The following EEF2KMT variants were observed in gnomAD, a reference collection of about 807,000 sequenced individuals.
EEF2KMT encodes protein-lysine N-methyltransferase EEF2KMT.
In EEF2KMT, 30 loss-of-function variants were observed where a neutral mutation model predicts 35.1. That is an observed-to-expected ratio of 0.85 (90% CI 0.64 to 1.16). The LOEUF (loss-of-function observed/expected upper bound fraction) is 1.16. Among genes scored for constraint, EEF2KMT ranks in the 50% most tolerant of loss-of-function variants. The probability of loss-of-function intolerance (pLI) is 0.00; values close to 1 mark genes in which losing one functional copy is unlikely to be tolerated. For synonymous variants in EEF2KMT, 190 were observed against 187.7 expected (o/e 1.01, Z -0.10); for missense variants, 499 against 438.2 (o/e 1.14, Z -1.24).
Position 5,090,661 on chromosome 16 carries a change from C to T in EEF2KMT, c.343-96G>A, listed in dbSNP as rs992489957. ...CACCACATGGCTGAATAAACCATGA[C>T]AGGACCAATCGCCACTCAGCAATGA... On this transcript the variant is annotated intron_variant, in intron 4 of 7. Coordinates refer to ENST00000427587, the MANE Select transcript of EEF2KMT (RefSeq NM_201400.4). The surrounding 1 kb of genome is among the most constrained non-coding windows in gnomAD (Gnocchi z 4.1). 17 of 1,502,630 alleles carry T rather than the reference C, an allele frequency of 1.1e-5. No homozygotes were observed. The highest frequency in any genetic ancestry group is 1.4e-5 in the African/African-American group (1 of 72,228). 93.1% of individuals were successfully genotyped at this position (1,502,630 alleles called of 1,614,324 possible). A position where few individuals can be genotyped will look rare whatever the true frequency, so the allele number is the denominator to read the frequency against.
In EEF2KMT at chr16:5,084,665, C is replaced by T. The variant is rs1416957738; in HGVS notation, c.*967G>A. ...GACTTGGGAGGGGTTGTTGTTGGGT[C>T]GGGGACCTGGGGTCAGCCAGGTGGT... On this transcript the variant is annotated 3_prime_UTR_variant, in exon 8 of 8. Transcript: ENST00000427587. 47 of 1,584,484 alleles carry T rather than the reference C, an allele frequency of 3.0e-5. No individual in the cohort carries two copies. In the Admixed American group the frequency reaches 3.1e-4, roughly 10 times the overall value.
chr16:5,088,938 C>T (rs1349733728), intron 7 of EEF2KMT, among the ~76,000 whole-genome samples, 169 bp downstream of exon 7: 4 of 152,354 alleles, frequency 2.6e-5, no homozygotes, highest in East Asian at 1.9e-4. Flanking sequence ...CCGCAAGCCC[C>T]CCACGCCCCA....
Position 5,093,489 on chromosome 16 carries a change from T to A in EEF2KMT, c.235A>T (p.Lys79Ter). ...YARCFLSELI[K>*]KHEAVHTEPL... ...GGACACTGCCCATAACTGACCTTTTTGATGAGTTCTGAGAGAAAGCACCGG... is the reference window on the plus strand; with the variant it reads ...GGACACTGCCCATAACTGACCTTTTAGATGAGTTCTGAGAGAAAGCACCGG... Residue 79 changes from lysine (K) to a stop codon, truncating the protein, a stop_gained, in exon 3 of 8, where the codon AAA becomes TAA. Coordinates refer to ENST00000427587, the MANE Select transcript of EEF2KMT (RefSeq NM_201400.4). LOFTEE classifies it high-confidence loss of function. The A allele has an allele frequency of 6.2e-7, 1 of 1,612,012 alleles. No homozygotes were observed. The highest frequency in any genetic ancestry group is 2.2e-5 in the East Asian group (1 of 44,872).
chr16:5,087,777 C>A (rs9939666), intron 7 of EEF2KMT, among the ~76,000 whole-genome samples: 1 of 128,474 alleles, frequency 7.8e-6, no homozygotes, highest in Admixed American at 8.3e-5. Context: ...CCAGCCTGGG[C>A]AATACAAAGC....
At position 5,085,072 on chromosome 16, in the gene EEF2KMT, T is replaced by C; in HGVS notation, c.*560A>G. ...CTTTGGTTGGCCTTGATTTCTTCTC[T>C]GGAGGCTTGGAAACGCTTCCTCTCT... On this transcript the variant is annotated 3_prime_UTR_variant, in exon 8 of 8. Coordinates refer to ENST00000427587, the MANE Select transcript of EEF2KMT (RefSeq NM_201400.4). 9.7e-7 allele frequency: 1 copy of C among 1,035,636 alleles called. No individual in the cohort carries two copies. The allele number at this position is 1,035,636 out of a possible 1,614,324, so 64.2% of individuals were successfully genotyped here.
At chr16:5,097,092 G>C (rs3890147) in intron 1 of EEF2KMT, among the ~76,000 whole-genome samples, 123,596 of 152,192 alleles carry the variant, frequency 0.81, 50,340 homozygotes, top group Admixed American at 0.83. Flanking sequence ...GCCTGCCATG[G>C]GCCTGTGCTG....
At chr16:5,096,736 A>G (rs934196999) in intron 1 of EEF2KMT, among the ~76,000 whole-genome samples, 3 of 152,202 alleles carry the variant, frequency 2.0e-5, no homozygotes, top group Non-Finnish European at 4.4e-5. Flanking sequence ...TGTGAGTGGT[A>G]ATAATAGTAC....
At chr16:5,092,041 G>T in intron 3 of EEF2KMT, 146 bp from the exon 4 acceptor site, 2 of 1,467,668 alleles carry the variant, frequency 1.4e-6, no homozygotes, top group Non-Finnish European at 1.8e-6. Flanking sequence ...ACTTCGTTGG[G>T]CTTGGTGGTG....
At chr16:5,085,946 C>G (rs4483845) in intron 7 of EEF2KMT, among the ~76,000 whole-genome samples, 83,110 of 152,076 alleles carry the variant, frequency 0.55, 23,016 homozygotes, top group South Asian at 0.69. Flanking sequence ...TAGCAGCAGG[C>G]ACCGTGCCGC....
intron 1 of EEF2KMT, chr16:5,097,220 A>T (rs1957489439): frequency 3.5e-6 from 4 of 1,142,916 alleles, no homozygotes; most frequent in Non-Finnish European, 4.6e-6. Context: ...ACAGATGAGA[A>T]TACTGAGGCA....
Position 5,084,499 on chromosome 16 carries a change from C to T in EEF2KMT, c.*1133G>A, listed in dbSNP as rs34385676. ...GGTGCTCACAGGGGAATGGGCAGCA[C>T]GTAGAGGCCGGGAGGTGCTCCAGGG... is the stretch of plus-strand genomic sequence containing the variant. On this transcript the variant is annotated 3_prime_UTR_variant, in exon 8 of 8. Transcript: ENST00000427587. 0.047 allele frequency: 30,025 copies of T among 632,596 alleles called. 868 individuals carry two copies. The highest frequency in any genetic ancestry group is 0.083 in the Middle Eastern group (193 of 2,312). 39.2% of individuals were successfully genotyped at this position (632,596 alleles called of 1,614,324 possible). A position where few individuals can be genotyped will look rare whatever the true frequency, so the allele number is the denominator to read the frequency against.
chr16:5,097,553 G>C, intron 1 of EEF2KMT, 91 bp downstream of exon 1: 1 of 1,511,578 alleles, frequency 6.6e-7, no homozygotes, highest in Non-Finnish European at 8.8e-7. Flanking sequence ...CACGTGGCGG[G>C]AGCGCCAGGG....
chr16:5,087,056 G>A (rs530474524), intron 7 of EEF2KMT: 2 of 152,300 alleles, frequency 1.3e-5, no homozygotes, highest in African/African-American at 4.8e-5. Flanking sequence ...AGACATGAAT[G>A]TGTAGAAATC....
chr16:5,093,901 A>G (rs1367903494), intron 2 of EEF2KMT, among the ~76,000 whole-genome samples: 3 of 152,218 alleles, frequency 2.0e-5, no homozygotes, highest in African/African-American at 7.2e-5. Context: ...GTCTGGCTCT[A>G]TGGAAGAGGC....
In EEF2KMT at chr16:5,097,755, G is replaced by T; in HGVS notation, c.-16C>A. On this transcript the variant is annotated 5_prime_UTR_variant, in exon 1 of 8. Coordinates refer to ENST00000427587, the MANE Select transcript of EEF2KMT (RefSeq NM_201400.4). The stretch of plus-strand genomic sequence containing the variant: ...CGGGCGCCATGACGTGGGCGGGGCC[G>T]CAGCGTTGCCGGCAGACCGGGCGGA... 7.8e-6 allele frequency: 12 copies of T among 1,547,280 alleles called. No homozygotes were observed. The highest frequency in any genetic ancestry group is 1.0e-5 in the Non-Finnish European group (12 of 1,152,416).
intron 1 of EEF2KMT, among the ~76,000 whole-genome samples, chr16:5,096,052 C>A (rs576110323): frequency 1.0e-3 from 156 of 152,180 alleles, no homozygotes; most frequent in African/African-American, 3.6e-3. Flanking sequence ...GGCCTGTTCT[C>A]CCTCACCCCT....
In EEF2KMT at chr16:5,090,445, C is replaced by T; in HGVS notation, c.463G>A (p.Val155Ile). ...CCCCGAGGTCACCTGTTAGTGAAGA[C>T]TGCCGGGTTCTCGATGGCCCATTCT... ...LAEWAIENPAVFTNRTVLELG... is the reference protein window; with the variant it reads ...LAEWAIENPAIFTNRTVLELG... Residue 155 changes from valine to isoleucine, a missense_variant, in exon 5 of 8, where the codon GTC (valine) becomes ATC (isoleucine). Transcript: ENST00000427587. This position sits in a 1 kb window ranked among gnomAD's most constrained non-coding sequence, Gnocchi z 4.1. The T allele has an allele frequency of 6.2e-7, 1 of 1,612,026 alleles. No homozygotes were observed. The highest frequency in any genetic ancestry group is 8.5e-7 in the Non-Finnish European group (1 of 1,179,868).
Position 5,095,466 on chromosome 16 carries a change from C to A in EEF2KMT, c.145G>T (p.Asp49Tyr), listed in dbSNP as rs1444548845. Residue 49 changes from aspartate to tyrosine, a missense_variant, in exon 2 of 8, where the codon GAT becomes TAT. Transcript: ENST00000427587. ...RDSSDSELLRDILHKTVKHPV... is the reference protein window; with the variant it reads ...RDSSDSELLRYILHKTVKHPV... The stretch of plus-strand genomic sequence containing the variant: ...GGGATTCTTACCTTGTGCAAAATAT[C>A]CCGCAGCAGCTCAGAATCTGATGAG... The A allele has an allele frequency of 6.2e-7, 1 of 1,611,704 alleles. No individual in the cohort carries two copies. Among genetic ancestry groups the A allele is most frequent in the African/African-American group, 1.3e-5 (1 of 74,964 alleles).
At chr16:5,097,262 TCAG>T (rs1309769417) in intron 1 of EEF2KMT, 3 of 1,310,834 alleles carry the variant, frequency 2.3e-6, no homozygotes, top group Non-Finnish European at 3.0e-6. Context: ...GTCACCGCGC[TCAG>T]GAGGACGTGG....
Sources: allele counts gnomAD v4.1 joint callset (sites outside exome capture counted in the v4.1 genomes callset), GRCh38; gene constraint gnomAD v4.1.1; non-coding constraint Gnocchi (gnomAD v3.1); transcripts MANE v1.5; gene names NCBI Gene and HGNC (gene_info 2026-07-23, HGNC 2026-07-21).